Variants in DHRSX observed in about 807,000 individuals in gnomAD.
DHRSX encodes the protein dehydrogenase/reductase X-linked.
DHRSX carries 31 observed loss-of-function variants against 34.0 expected under a neutral mutation model. The observed-to-expected ratio is 0.91, with a 90% CI of 0.69 to 1.23. DHRSX has a LOEUF of 1.23. Ranked by LOEUF, DHRSX falls within the 50% of genes most tolerant of loss-of-function variation. The pLI, the probability that DHRSX is intolerant of heterozygous loss-of-function variation, is 0.00. For synonymous variants in DHRSX, 201 were observed against 183.8 expected, an observed-to-expected ratio of 1.09 and a Z score of -0.76; for missense variants, 414 against 428.1, an observed-to-expected ratio of 0.97 and a Z score of 0.29.
intron 5 of DHRSX, among the ~76,000 whole-genome samples, chrX:2,259,706 C>T (rs1176056951): frequency 1.3e-5 from 2 of 152,122 alleles, no homozygotes; most frequent in Admixed American, 6.6e-5. Flanking sequence ...GGGCAGGAAC[C>T]CTTCCTGCCT....
chrX:2,387,747 A>G (rs917303352), intron 3 of DHRSX, among the ~76,000 whole-genome samples: 2 of 151,980 alleles, frequency 1.3e-5, no homozygotes, highest in African/African-American at 2.4e-5. Flanking sequence ...AGTATTAATC[A>G]TCGCAGAACC....
intron 6 of DHRSX, among the ~76,000 whole-genome samples, chrX:2,230,880 A>C (rs1368771646): frequency 2.6e-5 from 4 of 152,148 alleles, no homozygotes; most frequent in Non-Finnish European, 4.4e-5. Context: ...ATCTTTCTCT[A>C]TGCATAGATC....
chrX:2,420,134 C>A (rs752518807), intron 2 of DHRSX, among the ~76,000 whole-genome samples: 1 of 152,058 alleles, frequency 6.6e-6, no homozygotes, highest in African/African-American at 2.4e-5. Flanking sequence ...TGAGGCCGGG[C>A]GCAGTGGCTC....
chrX:2,251,544 A>G (rs2016433604), intron 5 of DHRSX, among the ~76,000 whole-genome samples: 1 of 152,152 alleles, frequency 6.6e-6, no homozygotes, highest in Admixed American at 6.5e-5. Flanking sequence ...GTCCCATTCC[A>G]GCCCTGGAAA....
chrX:2,230,791 G>T (rs66927576), intron 6 of DHRSX, among the ~76,000 whole-genome samples: 9,180 of 152,100 alleles, frequency 0.06, 742 homozygotes, highest in African/African-American at 0.18. Flanking sequence ...TCAAATCTTG[G>T]CCAGGTCTCC....
intron 1 of DHRSX, among the ~76,000 whole-genome samples, chrX:2,456,922 G>T (rs2044306675): frequency 2.0e-5 from 3 of 152,092 alleles, no homozygotes; most frequent in Admixed American, 2.0e-4. Flanking sequence ...TAGCAAGGGT[G>T]TAGGGAAAGA....
At chrX:2,262,664 C>G (rs1322712164) in intron 5 of DHRSX, among the ~76,000 whole-genome samples, 1 of 152,252 alleles carries the variant, frequency 6.6e-6, no homozygotes, top group Non-Finnish European at 1.5e-5. Context: ...GCCACAGGCC[C>G]TGCTCTCCCT....
rs1204243041 is a variant in DHRSX, at chrX:2,396,375, C to CTTTTTTTTT, written c.286+12361_286+12369dup. ...TGTGTTTGATGCTTTCTTTCTTTTT[C>CTTTTTTTTT]TTTTTTTTTTTTTTTTTTTTGAGAC... On this transcript the variant is annotated intron_variant, in intron 3 of 6. Coordinates refer to ENST00000334651, the MANE Select transcript of DHRSX (RefSeq NM_145177.3). Among the ~76,000 whole-genome samples, 54 of 99,230 alleles carry CTTTTTTTTT rather than the reference C, an allele frequency of 5.4e-4. 2 individuals are homozygous for CTTTTTTTTT. Among genetic ancestry groups the CTTTTTTTTT allele is most frequent in the East Asian group, 2.4e-3 (8 of 3,382 alleles). 65.1% of individuals were successfully genotyped at this position (99,230 alleles called of 152,430 possible).
chrX:2,377,438 A>G (rs1328554583), intron 3 of DHRSX, among the ~76,000 whole-genome samples: 14 of 151,986 alleles, frequency 9.2e-5, no homozygotes, highest in African/African-American at 3.4e-4. Flanking sequence ...CCACTTCCCA[A>G]TAGGGTTCTC....
intron 2 of DHRSX, among the ~76,000 whole-genome samples, chrX:2,411,548 C>G (rs1303292990): frequency 7.6e-6 from 1 of 131,840 alleles, no homozygotes; most frequent in African/African-American, 3.3e-5. Context: ...GAGCCCAACT[C>G]TGTCCCAAAA....
At chrX:2,308,991 T>G (rs1279710525) in intron 3 of DHRSX, among the ~76,000 whole-genome samples, 7 of 152,058 alleles carry the variant, frequency 4.6e-5, no homozygotes, top group Non-Finnish European at 8.8e-5. Flanking sequence ...CTGTACTGTA[T>G]GAAAAAAGCT....
intron 1 of DHRSX, among the ~76,000 whole-genome samples, chrX:2,438,393 C>T (rs1266581283): frequency 1.3e-5 from 2 of 150,454 alleles, no homozygotes; most frequent in African/African-American, 2.4e-5. Flanking sequence ...AAACCGGCCA[C>T]GTGCAGTGGC....
At chrX:2,318,932 T>A (rs1412691467) in intron 3 of DHRSX, among the ~76,000 whole-genome samples, 1 of 152,136 alleles carries the variant, frequency 6.6e-6, no homozygotes, top group East Asian at 1.9e-4. Flanking sequence ...CAACGCCTCA[T>A]GTTTTCTATA....
chrX:2,417,621 A>C (rs2043713875), intron 2 of DHRSX, among the ~76,000 whole-genome samples: 1 of 151,898 alleles, frequency 6.6e-6, no homozygotes, highest in Non-Finnish European at 1.5e-5. Flanking sequence ...ACTAGACGTC[A>C]ATGTGACCTG....
chrX:2,357,797 C>A (rs1397283654), intron 3 of DHRSX, among the ~76,000 whole-genome samples: 1 of 151,442 alleles, frequency 6.6e-6, no homozygotes, highest in Non-Finnish European at 1.5e-5. Context: ...CCAGGCAAAT[C>A]ACTAAGCCAT....
chrX:2,366,424 G>A (rs184276314), intron 3 of DHRSX, among the ~76,000 whole-genome samples: 1,543 of 150,788 alleles, frequency 0.01, 27 homozygotes, highest in African/African-American at 0.036. Flanking sequence ...TGGGCAACAA[G>A]AGCGAAACTC....
intron 4 of DHRSX, among the ~76,000 whole-genome samples, chrX:2,271,076 T>G (rs907820814): frequency 2.6e-5 from 4 of 152,210 alleles, no homozygotes; most frequent in African/African-American, 9.7e-5. Context: ...GTTGTTTCAC[T>G]CTTCACCATA....
intron 5 of DHRSX, among the ~76,000 whole-genome samples, chrX:2,243,808 T>TTTTTG (rs2016211696): frequency 9.6e-6 from 1 of 103,744 alleles, no homozygotes; most frequent in Non-Finnish European, 2.0e-5. Flanking sequence ...TTTTTTTTTT[T>TTTTTG]TTTTTTTTTT....
intron 1 of DHRSX, among the ~76,000 whole-genome samples, chrX:2,426,565 CTTTCT>C (rs2043851339): frequency 6.8e-6 from 1 of 146,162 alleles, no homozygotes; most frequent in Admixed American, 7.0e-5. Flanking sequence ...TTCCTTCCCT[CTTTCT>C]TTTCTTCATT....
Sources: gnomAD v4.1 joint callset for allele counts (sites outside exome capture counted in the v4.1 genomes callset) on GRCh38, gnomAD v4.1.1 for gene constraint, MANE v1.5 for transcripts, NCBI Gene and HGNC (gene_info 2026-07-23, HGNC 2026-07-21) for gene names.